The following ETV6 variants were observed in gnomAD, a reference collection of about 807,000 sequenced individuals.
ETV6 encodes the protein transcription factor ETV6.
ETV6 carries 16 observed loss-of-function variants against 51.1 expected under a neutral mutation model. The observed-to-expected ratio is 0.31, with a 90% confidence interval of 0.21 to 0.48. The LOEUF is 0.48. Ranked by LOEUF, ETV6 falls within the 20% of genes least tolerant of loss-of-function variation. The pLI is 0.99. For missense variants in ETV6, 458 were observed against 594.8 expected (o/e 0.77, Z 2.39); for synonymous variants, 240 against 224.1 (o/e 1.07, Z -0.64).
chr12:11,818,559 A>G (rs1239227156), intron 2 of ETV6, among the ~76,000 whole-genome samples: 1 of 151,104 alleles, frequency 6.6e-6, no homozygotes, highest in Non-Finnish European at 1.5e-5. Flanking sequence ...AGCAATGGGA[A>G]TGGTTCTTAA....
At chr12:11,737,637 T>C (rs1290165033) in intron 1 of ETV6, among the ~76,000 whole-genome samples, 2 of 152,242 alleles carry the variant, frequency 1.3e-5, no homozygotes, top group African/African-American at 4.8e-5. Flanking sequence ...ACAATGCATA[T>C]TAATTTTTTA....
At chr12:11,874,376 C>CAAA (rs35586470) in intron 5 of ETV6, among the ~76,000 whole-genome samples, 2 of 66,018 alleles carry the variant, frequency 3.0e-5, no homozygotes, top group African/African-American at 9.9e-5. Flanking sequence ...TACTCTGTCT[C>CAAA]AAAAAAAAAA....
chr12:11,830,562 A>G (rs1432154706), intron 2 of ETV6, among the ~76,000 whole-genome samples: 1 of 152,240 alleles, frequency 6.6e-6, no homozygotes, highest in Admixed American at 6.5e-5. Flanking sequence ...TGACCATCAA[A>G]GCCAGAGCTG....
intron 3 of ETV6, among the ~76,000 whole-genome samples, chr12:11,847,982 A>G (rs190029917): frequency 5.6e-4 from 86 of 152,362 alleles, no homozygotes; most frequent in African/African-American, 2.0e-3. Flanking sequence ...AATGATGTCA[A>G]CTGGGGAAAA....
At chr12:11,734,428 G>A (rs977884574) in intron 1 of ETV6, among the ~76,000 whole-genome samples, 2 of 149,660 alleles carry the variant, frequency 1.3e-5, no homozygotes, top group Non-Finnish European at 2.9e-5. Context: ...GCAACATGAC[G>A]AAACCTCGTC....
intron 2 of ETV6, among the ~76,000 whole-genome samples, chr12:11,779,439 A>G (rs1232383434): frequency 3.9e-5 from 6 of 152,220 alleles, no homozygotes. Flanking sequence ...TAGACTTGGT[A>G]ATCATTCACG....
chr12:11,792,040 C>T (rs567944566), intron 2 of ETV6, among the ~76,000 whole-genome samples: 1 of 152,278 alleles, frequency 6.6e-6, no homozygotes, highest in South Asian at 2.1e-4. Flanking sequence ...AAGGAGCCAG[C>T]TCTGAGAGCT....
chr12:11,838,374 G>T (rs1006676236), intron 2 of ETV6, among the ~76,000 whole-genome samples: 1 of 152,120 alleles, frequency 6.6e-6, no homozygotes, highest in African/African-American at 2.4e-5. Flanking sequence ...TTACAGTCAG[G>T]CTCCCAGAGA....
At chr12:11,852,431 G>C (rs1484357972) in intron 3 of ETV6, among the ~76,000 whole-genome samples, 1 of 152,110 alleles carries the variant, frequency 6.6e-6, no homozygotes, top group Non-Finnish European at 1.5e-5. Context: ...ATCTTGAATA[G>C]TTACCACCTC....
intron 5 of ETV6, among the ~76,000 whole-genome samples, chr12:11,876,026 C>G (rs1362601395): frequency 6.6e-6 from 1 of 152,058 alleles, no homozygotes; most frequent in Non-Finnish European, 1.5e-5. Flanking sequence ...ATCATAGGTG[C>G]AATGTAGGAT....
intron 5 of ETV6, among the ~76,000 whole-genome samples, chr12:11,874,549 CATATATGTGTATGTGCGTGTGT>C (rs1946939575): frequency 4.1e-4 from 1 of 2,434 alleles, no homozygotes; most frequent in African/African-American, 4.5e-4. Context: ...TGTGTACACA[CATATATGTGTATGTGCGTGTGT>C]ACACATATAT....
chr12:11,694,151 T>A (rs1864826941), intron 1 of ETV6, among the ~76,000 whole-genome samples: 1 of 152,140 alleles, frequency 6.6e-6, no homozygotes, highest in African/African-American at 2.4e-5. Context: ...TTATTAGAGA[T>A]CTAATTTATT....
chr12:11,826,298 C>T (rs1946152455), intron 2 of ETV6: 2 of 152,144 alleles, frequency 1.3e-5, no homozygotes, highest in Admixed American at 6.5e-5. Context: ...ATGCTCTTCA[C>T]AGATTTTCCA....
chr12:11,783,534 G>T (rs1212819570), intron 2 of ETV6, among the ~76,000 whole-genome samples: 1 of 152,108 alleles, frequency 6.6e-6, no homozygotes, highest in Admixed American at 6.5e-5. Flanking sequence ...GTGAAGGGAG[G>T]TTTTTGCTTT....
intron 2 of ETV6, among the ~76,000 whole-genome samples, chr12:11,815,220 C>T (rs577541981): frequency 1.3e-5 from 2 of 152,300 alleles, no homozygotes; most frequent in East Asian, 1.9e-4. Flanking sequence ...AGAAGTTACT[C>T]CCACTTTCCA....
At chr12:11,740,194 G>T (rs1009953) in intron 1 of ETV6, among the ~76,000 whole-genome samples, 69,328 of 152,054 alleles carry the variant, frequency 0.46, 19,112 homozygotes, top group Admixed American at 0.61. Flanking sequence ...AATCGTCAGT[G>T]TAGATTTCAT....
chr12:11,890,820 T>G, intron 7 of ETV6, 121 bp from the exon 8 acceptor site: 1 of 775,452 alleles, frequency 1.3e-6, no homozygotes. Flanking sequence ...AATCTCGGGG[T>G]TCAGTAGCTC....
At chr12:11,738,307 C>CT (rs59241338) in intron 1 of ETV6, among the ~76,000 whole-genome samples, 1,368 of 113,944 alleles carry the variant, frequency 0.012, 93 homozygotes, top group African/African-American at 0.05. Context: ...TTTGTTTTTG[C>CT]TTTTTTTTTT....
chr12:11,836,397 T>C (rs1199317904), intron 2 of ETV6, among the ~76,000 whole-genome samples: 1 of 152,188 alleles, frequency 6.6e-6, no homozygotes, highest in Non-Finnish European at 1.5e-5. Flanking sequence ...AAGATCACTT[T>C]TGTATGACTG....
Sources: gnomAD v4.1 joint callset for allele counts (sites outside exome capture counted in the v4.1 genomes callset) on GRCh38, gnomAD v4.1.1 for gene constraint, MANE v1.5 for transcripts, NCBI Gene and HGNC (gene_info 2026-07-23, HGNC 2026-07-21) for gene names.